The following DNER variants were observed in gnomAD, a reference collection of about 807,000 sequenced individuals.
DNER encodes delta and Notch-like epidermal growth factor-related receptor.
DNER carries 33 observed loss-of-function variants against 78.2 expected under a neutral mutation model. The observed-to-expected ratio is 0.42, with a 90% CI of 0.32 to 0.56. The LOEUF (loss-of-function observed/expected upper bound fraction) is 0.56, where lower values mean the gene tolerates loss of function less well. DNER is among the 20% of genes least tolerant of loss of function. The pLI is 0.11. For synonymous variants in DNER, 417 were observed against 384.8 expected (o/e 1.08, Z -0.98); for missense variants, 918 against 975.3 (o/e 0.94, Z 0.78).
At chr2:229,368,928 T>G (rs10933293) in intron 11 of DNER, among the ~76,000 whole-genome samples, 18,344 of 152,226 alleles carry the variant, frequency 0.12, 1,838 homozygotes, top group East Asian at 0.52. Flanking sequence ...AAAATAAGAA[T>G]GTATTCCTTT....
At chr2:229,431,924 T>C (rs970166920) in intron 8 of DNER, among the ~76,000 whole-genome samples, 1 of 152,216 alleles carries the variant, frequency 6.6e-6, no homozygotes, top group Non-Finnish European at 1.5e-5. Flanking sequence ...CATTCAAATA[T>C]TTCTCTACAG....
intron 1 of DNER, among the ~76,000 whole-genome samples, chr2:229,681,578 A>G (rs1699387011): frequency 6.6e-6 from 1 of 152,108 alleles, no homozygotes; most frequent in Non-Finnish European, 1.5e-5. Flanking sequence ...AAAAAACACC[A>G]ACATTTTTTC....
chr2:229,467,577 G>C (rs1007883083), intron 7 of DNER, among the ~76,000 whole-genome samples: 49 of 152,174 alleles, frequency 3.2e-4, no homozygotes, highest in African/African-American at 1.1e-3. Flanking sequence ...ATGATATTTT[G>C]GTCCAAGTGA....
At chr2:229,676,544 G>C (rs1205945745) in intron 1 of DNER, among the ~76,000 whole-genome samples, 2 of 152,152 alleles carry the variant, frequency 1.3e-5, no homozygotes, top group African/African-American at 4.8e-5. Context: ...CTGTGGTTTT[G>C]GGGTGCTATT....
intron 4 of DNER, among the ~76,000 whole-genome samples, chr2:229,555,600 A>G (rs553511142): frequency 2.0e-5 from 3 of 152,306 alleles, no homozygotes; most frequent in African/African-American, 7.2e-5. Flanking sequence ...TACCACCTTT[A>G]CTGAAGCTTC....
chr2:229,432,392 C>A (rs1694026171), intron 8 of DNER, among the ~76,000 whole-genome samples: 1 of 152,040 alleles, frequency 6.6e-6, no homozygotes, highest in Non-Finnish European at 1.5e-5. Flanking sequence ...GGGGGAAAAT[C>A]AAAGACTAAG....
At chr2:229,644,376 C>T (rs1344859672) in intron 1 of DNER, among the ~76,000 whole-genome samples, 1 of 126,502 alleles carries the variant, frequency 7.9e-6, no homozygotes, top group Non-Finnish European at 1.6e-5. Context: ...TGGAGTCTCA[C>T]TGTGTCTCCC....
chr2:229,626,784 T>G (rs1470890102), intron 1 of DNER, among the ~76,000 whole-genome samples: 1 of 152,224 alleles, frequency 6.6e-6, no homozygotes, highest in African/African-American at 2.4e-5. Context: ...TCATTTAAGT[T>G]TTGAAACTGA....
chr2:229,504,745 A>C (rs1695700227), intron 6 of DNER, among the ~76,000 whole-genome samples: 1 of 152,248 alleles, frequency 6.6e-6, no homozygotes, highest in African/African-American at 2.4e-5. Context: ...CATAGTTGCA[A>C]ACACAGAAAA....
chr2:229,602,483 C>G (rs528305194), intron 1 of DNER, among the ~76,000 whole-genome samples: 2 of 152,268 alleles, frequency 1.3e-5, no homozygotes, highest in African/African-American at 4.8e-5. Flanking sequence ...AGGTCCTACA[C>G]AGTGCAATGA....
rs748306265 is a variant in DNER, at chr2:229,358,564, T to C, written c.2190A>G (p.Thr730=). Reference sequence around the variant, plus strand: ...ATTACAAATCTTTAGTTTTAATCAGTGTGACCAAGGGTTTGTCATCAGGAC... The same window carrying C: ...ATTACAAATCTTTAGTTTTAATCAGCGTGACCAAGGGTTTGTCATCAGGAC... ...DYSPDDKPLV[T]LIKTKDL is the part of the protein sequence containing the mutation. Residue 730 remains threonine (T), a synonymous_variant, in exon 13 of 13, where the codon ACA becomes ACG. Coordinates refer to ENST00000341772, the MANE Select transcript of DNER (RefSeq NM_139072.4). The C allele has an allele frequency of 6.2e-7, 1 of 1,612,072 alleles. No individual in the cohort carries two copies. The highest frequency in any genetic ancestry group is 1.1e-5 in the South Asian group (1 of 90,374).
intron 4 of DNER, among the ~76,000 whole-genome samples, chr2:229,560,836 AC>A (rs1696944812): frequency 6.6e-6 from 1 of 152,088 alleles, no homozygotes. Context: ...CTTCCATTAC[AC>A]GTAAGCAGAA....
intron 1 of DNER, among the ~76,000 whole-genome samples, chr2:229,621,928 A>T (rs973998182): frequency 4.6e-5 from 7 of 151,336 alleles, no homozygotes; most frequent in Middle Eastern, 3.4e-3. Context: ...TACTAAAAAT[A>T]AAAAAAAATT....
At chr2:229,534,967 C>G (rs1453526925) in intron 5 of DNER, among the ~76,000 whole-genome samples, 1 of 152,074 alleles carries the variant, frequency 6.6e-6, no homozygotes, top group Non-Finnish European at 1.5e-5. Context: ...TCCCAAGTAG[C>G]TGGGATTATA....
chr2:229,461,526 T>C (rs773745651), intron 7 of DNER, among the ~76,000 whole-genome samples: 1 of 151,926 alleles, frequency 6.6e-6, no homozygotes, highest in Non-Finnish European at 1.5e-5. Context: ...CATGGACACA[T>C]TTAACCTCCA....
intron 6 of DNER, among the ~76,000 whole-genome samples, chr2:229,501,560 A>C (rs1473998543): frequency 6.6e-6 from 1 of 152,154 alleles, no homozygotes; most frequent in Non-Finnish European, 1.5e-5. Context: ...TTCTCCTCTC[A>C]AGAGAAATAA....
chr2:229,500,660 A>T (rs561293362), intron 6 of DNER, among the ~76,000 whole-genome samples: 7 of 152,322 alleles, frequency 4.6e-5, no homozygotes, highest in Non-Finnish European at 1.0e-4. Flanking sequence ...TGAGTGAATA[A>T]AGAAAATGTG....
chr2:229,406,296 C>T (rs1693380595), intron 10 of DNER, among the ~76,000 whole-genome samples: 1 of 152,164 alleles, frequency 6.6e-6, no homozygotes, highest in Admixed American at 6.5e-5. Context: ...TCTGTGGGTA[C>T]TTGATATGTC....
Position 229,388,361 on chromosome 2 carries a change from T to C in DNER, c.1759A>G (p.Ser587Gly), listed in dbSNP as rs775905924. The change falls in exon 11 of 13, where the codon AGT becomes GGT. Residue 587 changes from serine to glycine, a missense_variant. Transcript: ENST00000341772. ...CTCCCACCATGGTGGCAGGGGTTACTGTCACATTCATTTATGTCAATGTCG... is the reference window on the plus strand; with the variant it reads ...CTCCCACCATGGTGGCAGGGGTTACCGTCACATTCATTTATGTCAATGTCG... ...ECDIDINECD[S>G]NPCHHGGSCL... 5.0e-6 allele frequency: 8 copies of C among 1,612,172 alleles called. No homozygotes were observed. The South Asian group carries it at 5.5e-5, about 11-fold the overall frequency.
Sources: allele counts gnomAD v4.1 joint callset (sites outside exome capture counted in the v4.1 genomes callset), GRCh38; gene constraint gnomAD v4.1.1; transcripts MANE v1.5; gene names NCBI Gene and HGNC (gene_info 2026-07-23, HGNC 2026-07-21).